SGCD: variants seen among roughly 807,000 people sequenced by gnomAD.
SGCD encodes delta-sarcoglycan.
SGCD carries 18 observed loss-of-function variants against 36.6 expected under a neutral mutation model. The observed-to-expected ratio is 0.49, with a 90% confidence interval of 0.34 to 0.73. SGCD has a LOEUF of 0.73. Among genes scored for constraint, SGCD ranks in the 30% least tolerant of loss-of-function variants. The probability of loss-of-function intolerance (pLI) is 0.01; values close to 1 mark genes in which losing one functional copy is unlikely to be tolerated. For synonymous variants in SGCD, 133 were observed against 130.6 expected (o/e 1.02, Z -0.12); for missense variants, 387 against 346.7 (o/e 1.12, Z -0.92).
At chr5:155,789,764 A>G in the SGCD span, among the ~76,000 whole-genome samples, 1 of 152,116 alleles carries the variant, frequency 6.6e-6, no homozygotes, top group Admixed American at 6.6e-5. Context: ...CTCACAAAGT[A>G]TGTTAGAAGT....
chr5:156,443,632 C>T (rs935839902), intron 3 of SGCD, among the ~76,000 whole-genome samples: 1 of 152,104 alleles, frequency 6.6e-6, no homozygotes, highest in Admixed American at 6.5e-5. Context: ...TGTAAAGACT[C>T]CAGGATTAGG....
At chr5:155,928,012 A>C (rs1757026612) in intron 1 of SGCD, among the ~76,000 whole-genome samples, 1 of 152,244 alleles carries the variant, frequency 6.6e-6, no homozygotes, top group South Asian at 2.1e-4. Context: ...CTCATGGGAA[A>C]ACGTGTCAGG....
intron 3 of SGCD, among the ~76,000 whole-genome samples, chr5:156,191,847 C>A (rs987960133): frequency 1.3e-5 from 2 of 152,154 alleles, no homozygotes; most frequent in Non-Finnish European, 2.9e-5. Flanking sequence ...AGGTAATCAG[C>A]AGCCACTAGA....
chr5:156,282,836 G>A (rs956486840), intron 3 of SGCD, among the ~76,000 whole-genome samples: 5 of 152,128 alleles, frequency 3.3e-5, no homozygotes, highest in Non-Finnish European at 7.4e-5. Context: ...TACAATGTCT[G>A]TGATGTTCCA....
chr5:156,366,152 G>A (rs12523127), intron 3 of SGCD, among the ~76,000 whole-genome samples: 5,207 of 152,254 alleles, frequency 0.034, 233 homozygotes, highest in African/African-American at 0.097. Context: ...GAGCAGCATC[G>A]CGCTGGGATA....
chr5:156,013,236 G>A (rs1383311035), intron 1 of SGCD, among the ~76,000 whole-genome samples: 5 of 151,828 alleles, frequency 3.3e-5, no homozygotes, highest in Non-Finnish European at 5.9e-5. Context: ...TGTTGGCCAG[G>A]CTGGTCTCGA....
chr5:155,838,318 TC>T, the SGCD span, among the ~76,000 whole-genome samples: 1 of 152,164 alleles, frequency 6.6e-6, no homozygotes, highest in Admixed American at 6.5e-5. Context: ...TCAAAAAAGG[TC>T]CTCACATTGC....
intron 7 of SGCD, among the ~76,000 whole-genome samples, chr5:156,695,523 A>AGATAGATG (rs1754283302): frequency 5.6e-4 from 9 of 16,082 alleles, no homozygotes; most frequent in African/African-American, 2.8e-3. Context: ...ATAGATAGAT[A>AGATAGATG]GATAGATAGA....
intron 4 of SGCD, among the ~76,000 whole-genome samples, chr5:156,512,149 G>A (rs1212155369): frequency 1.4e-5 from 2 of 143,448 alleles, no homozygotes; most frequent in Non-Finnish European, 1.5e-5. Context: ...AGCTGAGATC[G>A]TGCCACTGCA....
chr5:156,467,118 T>C (rs576991840), intron 3 of SGCD, among the ~76,000 whole-genome samples: 2 of 152,272 alleles, frequency 1.3e-5, no homozygotes, highest in East Asian at 3.9e-4. Context: ...TGTGAACAAA[T>C]GGGGAAGGCT....
chr5:156,289,004 C>A (rs1412577539), intron 3 of SGCD, among the ~76,000 whole-genome samples: 2 of 152,048 alleles, frequency 1.3e-5, no homozygotes, highest in African/African-American at 4.8e-5. Flanking sequence ...GATTAAATTT[C>A]ACTGATTAAA....
upstream of SGCD, among the ~76,000 whole-genome samples, chr5:156,324,441 T>C (rs984840590): frequency 5.3e-5 from 8 of 151,960 alleles, no homozygotes; most frequent in Non-Finnish European, 4.4e-5. Flanking sequence ...GCATATGATA[T>C]TGAAAAAAAA....
chr5:156,042,388 A>G (rs1481647406), intron 1 of SGCD, among the ~76,000 whole-genome samples: 1 of 152,178 alleles, frequency 6.6e-6, no homozygotes, highest in African/African-American at 2.4e-5. Context: ...GGATGACTCC[A>G]CAGCCCATGC....
At chr5:156,706,042 A>T (rs979355699) in intron 7 of SGCD, among the ~76,000 whole-genome samples, 12 of 152,202 alleles carry the variant, frequency 7.9e-5, no homozygotes, top group Non-Finnish European at 1.6e-4. Flanking sequence ...TTAAACCCTT[A>T]CTATTTTCTT....
intron 7 of SGCD, among the ~76,000 whole-genome samples, chr5:156,667,004 T>A (rs1278612229): frequency 2.6e-5 from 4 of 152,126 alleles, no homozygotes; most frequent in Non-Finnish European, 5.9e-5. Context: ...GTGTCCCAAA[T>A]CCAAAAATCC....
At chr5:156,745,877 G>A (rs1756918174) in intron 7 of SGCD, among the ~76,000 whole-genome samples, 1 of 151,924 alleles carries the variant, frequency 6.6e-6, no homozygotes. Flanking sequence ...AGAGACAGAA[G>A]AATAGGAATG....
At chr5:156,599,327 C>T (rs923002628) in intron 6 of SGCD, among the ~76,000 whole-genome samples, 3 of 151,662 alleles carry the variant, frequency 2.0e-5, no homozygotes, top group Non-Finnish European at 2.9e-5. Flanking sequence ...CCTGAGTGAC[C>T]GTATTCAAGT....
intron 1 of SGCD, among the ~76,000 whole-genome samples, chr5:155,929,128 A>T (rs1405971304): frequency 6.6e-6 from 1 of 152,190 alleles, no homozygotes; most frequent in African/African-American, 2.4e-5. Flanking sequence ...CTAATTTGTT[A>T]CAGGTTTTAG....
chr5:156,624,783 T>C (rs889202954), intron 6 of SGCD, among the ~76,000 whole-genome samples: 1 of 152,152 alleles, frequency 6.6e-6, no homozygotes, highest in Non-Finnish European at 1.5e-5. Context: ...TCTTTTCGTC[T>C]GTGATTCCTA....
Sources: allele counts gnomAD v4.1 joint callset (sites outside exome capture counted in the v4.1 genomes callset), GRCh38; gene constraint gnomAD v4.1.1; transcripts MANE v1.5; gene names NCBI Gene and HGNC (gene_info 2026-07-23, HGNC 2026-07-21).